DCC: variants seen among roughly 807,000 people sequenced by gnomAD.
DCC encodes the protein DCC netrin 1 receptor.
DCC carries 58 observed loss-of-function variants against 172.5 expected under a neutral mutation model. That is an observed-to-expected ratio of 0.34 (90% CI 0.27 to 0.42). DCC has a LOEUF of 0.42. Among genes scored for constraint, DCC ranks in the 10% least tolerant of loss-of-function variants. The pLI is 1.00. For synonymous variants in DCC, 709 were observed against 644.5 expected, an observed-to-expected ratio of 1.10 and a Z score of -1.52; for missense variants, 1,740 against 1,791.0, an observed-to-expected ratio of 0.97 and a Z score of 0.51.
intron 1 of DCC, among the ~76,000 whole-genome samples, chr18:52,384,113 T>G (rs1985698502): frequency 6.6e-6 from 1 of 152,134 alleles, no homozygotes; most frequent in South Asian, 2.1e-4. Flanking sequence ...ATAATAAATT[T>G]CTTATGACTA....
At chr18:53,348,041 C>G (rs1166374072) in intron 15 of DCC, among the ~76,000 whole-genome samples, 5 of 152,142 alleles carry the variant, frequency 3.3e-5, no homozygotes, top group Non-Finnish European at 7.4e-5. Flanking sequence ...CCTCACATTT[C>G]AAAACCAAAC....
intron 20 of DCC, among the ~76,000 whole-genome samples, chr18:53,411,001 C>T (rs1909951174): frequency 6.6e-6 from 1 of 151,966 alleles, no homozygotes; most frequent in African/African-American, 2.4e-5. Context: ...CATACTATTG[C>T]CGACTTTAGG....
At chr18:53,193,721 G>T (rs2055400187) in intron 9 of DCC, among the ~76,000 whole-genome samples, 1 of 152,124 alleles carries the variant, frequency 6.6e-6, no homozygotes. Flanking sequence ...AGAATAGAGT[G>T]CTAAATTTCT....
At chr18:52,926,293 A>T (rs1476531264) in intron 5 of DCC, among the ~76,000 whole-genome samples, 1 of 151,950 alleles carries the variant, frequency 6.6e-6, no homozygotes, top group Non-Finnish European at 1.5e-5. Flanking sequence ...TTCAAAGGTT[A>T]TTCAGAAAAC....
intron 2 of DCC, among the ~76,000 whole-genome samples, chr18:52,785,790 G>C (rs1483010122): frequency 6.6e-6 from 1 of 152,018 alleles, no homozygotes; most frequent in Admixed American, 6.6e-5. Context: ...AATCTTTCCT[G>C]CAATTATTAA....
chr18:53,157,692 A>G (rs1337950595), intron 8 of DCC, among the ~76,000 whole-genome samples, 180 bp downstream of exon 8: 1 of 152,218 alleles, frequency 6.6e-6, no homozygotes, highest in Non-Finnish European at 1.5e-5. Flanking sequence ...TTGTTGACAC[A>G]GTCTAATGAA....
chr18:52,824,268 T>C (rs2038464928), intron 2 of DCC, among the ~76,000 whole-genome samples: 1 of 152,232 alleles, frequency 6.6e-6, no homozygotes, highest in Non-Finnish European at 1.5e-5. Flanking sequence ...CTGTTTCTTT[T>C]ACTCTCCTTG....
chr18:53,441,506 T>G (rs1244498749), intron 22 of DCC, among the ~76,000 whole-genome samples: 1 of 152,210 alleles, frequency 6.6e-6, no homozygotes, highest in East Asian at 1.9e-4. Flanking sequence ...AAGACTAAAC[T>G]TTTGCTCTTC....
At chr18:53,286,691 C>A (rs1182243486) in intron 12 of DCC, among the ~76,000 whole-genome samples, 1 of 152,144 alleles carries the variant, frequency 6.6e-6, no homozygotes, top group Non-Finnish European at 1.5e-5. Flanking sequence ...TCCAGTGCAT[C>A]GCCATTGCTG....
intron 19 of DCC, among the ~76,000 whole-genome samples, chr18:53,405,750 A>G (rs1909617166): frequency 6.6e-6 from 1 of 152,216 alleles, no homozygotes; most frequent in Non-Finnish European, 1.5e-5. Context: ...TATGCTTGGC[A>G]TTCTTCTGAG....
chr18:53,004,361 ATC>A (rs1294909337), intron 5 of DCC, among the ~76,000 whole-genome samples: 1 of 152,138 alleles, frequency 6.6e-6, no homozygotes, highest in Non-Finnish European at 1.5e-5. Flanking sequence ...TAATAAATTA[ATC>A]TCTCTGTGTG....
At chr18:53,353,477 A>C (rs1276907094) in intron 15 of DCC, among the ~76,000 whole-genome samples, 1 of 152,150 alleles carries the variant, frequency 6.6e-6, no homozygotes, top group Non-Finnish European at 1.5e-5. Context: ...ACAGTTAGCA[A>C]TTTTGGTGCT....
intron 14 of DCC, among the ~76,000 whole-genome samples, chr18:53,329,004 G>T (rs1314705708): frequency 6.6e-6 from 1 of 152,164 alleles, no homozygotes; most frequent in Non-Finnish European, 1.5e-5. Flanking sequence ...TACAAAAGGA[G>T]AGTGTACATT....
intron 21 of DCC, among the ~76,000 whole-genome samples, chr18:53,431,201 G>A (rs1455851523): frequency 6.6e-6 from 1 of 151,322 alleles, no homozygotes; most frequent in Non-Finnish European, 1.5e-5. Flanking sequence ...TGTTTCTGAA[G>A]CTACCATTTC....
At chr18:52,751,670 G>T (rs1256817065) in intron 1 of DCC, among the ~76,000 whole-genome samples, 1 of 152,072 alleles carries the variant, frequency 6.6e-6, no homozygotes, top group African/African-American at 2.4e-5. Context: ...GATAGAAATA[G>T]TCTCCCCAAA....
At chr18:53,436,721 T>C (rs978198469) in intron 22 of DCC, among the ~76,000 whole-genome samples, 2 of 152,172 alleles carry the variant, frequency 1.3e-5, no homozygotes, top group African/African-American at 2.4e-5. Flanking sequence ...CAGCAACACG[T>C]AGAACGTCTT....
intron 1 of DCC, among the ~76,000 whole-genome samples, chr18:52,685,340 G>C (rs1049721598): frequency 2.0e-5 from 3 of 152,016 alleles, no homozygotes; most frequent in Non-Finnish European, 2.9e-5. Context: ...CTCTTTAAAG[G>C]ACAATGTCAA....
At chr18:53,315,895 A>T (rs1037244064) in intron 13 of DCC, among the ~76,000 whole-genome samples, 33 of 151,948 alleles carry the variant, frequency 2.2e-4, no homozygotes, top group Non-Finnish European at 3.8e-4. Context: ...GATTAAAAAA[A>T]TTTTTCTCCC....
At chr18:53,179,334 A>T (rs2055158660) in intron 9 of DCC, among the ~76,000 whole-genome samples, 1 of 152,304 alleles carries the variant, frequency 6.6e-6, no homozygotes, top group South Asian at 2.1e-4. Context: ...ATTAACCTCT[A>T]TAAAGGCCTA....
Sources: allele counts gnomAD v4.1 joint callset (sites outside exome capture counted in the v4.1 genomes callset), GRCh38; gene constraint gnomAD v4.1.1; transcripts MANE v1.5; gene names NCBI Gene and HGNC (gene_info 2026-07-23, HGNC 2026-07-21).